The following CDT1 variants were observed in gnomAD, a reference collection of about 807,000 sequenced individuals.
CDT1 encodes the protein DNA replication factor Cdt1.
Under a neutral mutation model 49.3 loss-of-function variants are expected in CDT1, and 66 were observed. That is an observed-to-expected ratio of 1.34 (90% CI 1.10 to 1.64). The LOEUF (loss-of-function observed/expected upper bound fraction) is 1.64, where lower values mean the gene tolerates loss of function less well. Ranked by LOEUF, CDT1 falls within the 40% of genes most tolerant of loss-of-function variation. The pLI, the probability that CDT1 is intolerant of heterozygous loss-of-function variation, is 0.00. For synonymous variants in CDT1, 424 were observed against 347.4 expected (o/e 1.22, Z -2.45); for missense variants, 958 against 807.7 (o/e 1.19, Z -2.26).
chr16:88,807,535 C>A, intron 9 of CDT1, 53 bp downstream of exon 9: 1 of 1,515,460 alleles, frequency 6.6e-7, no homozygotes, highest in Non-Finnish European at 9.1e-7. Context: ...CCTGGTGCTG[C>A]AGCTGCCTCC....
chr16:88,806,331 A>C, intron 6 of CDT1, 155 bp from the exon 7 acceptor site: 2 of 1,054,378 alleles, frequency 1.9e-6, no homozygotes, highest in South Asian at 1.4e-5. Flanking sequence ...GGACCATGGG[A>C]GGCCTTGTGC....
At position 88,808,661 on chromosome 16, in the gene CDT1, C is replaced by T. The variant is rs1908967491; in HGVS notation, c.*383C>T. On this transcript the variant is annotated 3_prime_UTR_variant, in exon 10 of 10. Transcript: ENST00000301019. The stretch of plus-strand genomic sequence containing the variant: ...GCCATCCCCTCTAATCTTGGAACCT[C>T]TGAATATGGGACCTCCCACAGCAAA... The T allele has an allele frequency of 7.7e-6, 2 of 261,260 alleles. No homozygotes were observed. The highest frequency in any genetic ancestry group is 1.0e-4 in the Admixed American group (2 of 20,074). The allele number at this position is 261,260 out of a possible 1,614,324, so 16.2% of individuals were successfully genotyped here.
chr16:88,804,165 C>T (rs889721978), intron 1 of CDT1, 106 bp downstream of exon 1: 9 of 757,408 alleles, frequency 1.2e-5, no homozygotes, highest in Non-Finnish European at 1.6e-5. Context: ...GGCGGGGAAA[C>T]AGGCGGGGGG....
intron 1 of CDT1, 142 bp from the exon 2 acceptor site, chr16:88,804,403 C>T (rs1187195673): frequency 6.3e-6 from 7 of 1,115,612 alleles, no homozygotes; most frequent in Non-Finnish European, 9.1e-6. Context: ...TTAGCACAGA[C>T]CACCATCTAC....
Position 88,807,230 on chromosome 16 carries a change from G to A in CDT1, c.1275+27G>A, listed in dbSNP as rs3218728. ...TGAGTCGTCCCCAGTGATGGCGGGT[G>A]GGCGCCTGGTGACCTGCTGCCCACT... On this transcript the variant is annotated intron_variant, in intron 8 of 9. Coordinates refer to ENST00000301019, the MANE Select transcript of CDT1 (RefSeq NM_030928.4). The A allele has an allele frequency of 1.8e-3, 2,828 of 1,611,090 alleles. 39 individuals carry two copies. In the African/African-American group the frequency reaches 0.03, roughly 17 times the overall value.
rs750804588 is a variant in CDT1, at chr16:88,807,040, C to T, written c.1123-11C>T. The T allele has an allele frequency of 1.2e-5, 20 of 1,612,716 alleles. No individual in the cohort carries two copies. Among genetic ancestry groups the T allele is most frequent in the East Asian group, 6.7e-5 (3 of 44,900 alleles). On this transcript the variant is annotated splice_polypyrimidine_tract_variant and intron_variant, in intron 7 of 9. Transcript: ENST00000301019. ...TTGTGACCTCTCCAGTCCAACCTGTCCCTCCCGCAGATGGAGAAGGCCTTG... is the reference window on the plus strand; with the variant it reads ...TTGTGACCTCTCCAGTCCAACCTGTTCCTCCCGCAGATGGAGAAGGCCTTG...
At position 88,807,047 on chromosome 16, in the gene CDT1, G is replaced by A. The variant is rs373938189; in HGVS notation, c.1123-4G>A. ...CTCTCCAGTCCAACCTGTCCCTCCC[G>A]CAGATGGAGAAGGCCTTGAGTCAAT... On this transcript the variant is annotated splice_region_variant and splice_polypyrimidine_tract_variant and intron_variant, in intron 7 of 9. Coordinates refer to ENST00000301019, the MANE Select transcript of CDT1 (RefSeq NM_030928.4). The A allele has an allele frequency of 4.7e-4, 759 of 1,612,828 alleles. 2 individuals are homozygous for A. The highest frequency in any genetic ancestry group is 2.1e-3 in the African/African-American group (161 of 75,052).
At chr16:88,806,697 G>A in intron 7 of CDT1, 23 bp downstream of exon 7, 2 of 1,571,688 alleles carry the variant, frequency 1.3e-6, no homozygotes, top group South Asian at 1.2e-5. Context: ...GGCTTGGGCA[G>A]CCCATTTCTC....
chr16:88,807,298 A>G lies in CDT1; in HGVS notation c.1293A>G (p.Ala431=). ...DLLERIRAKE[A]QKQLAQMTRC... ...TGCTGCAGATCCGAGCCAAGGAGGCACAGAAGCAGCTGGCACAGATGACGC... is the reference window on the plus strand; with the variant it reads ...TGCTGCAGATCCGAGCCAAGGAGGCGCAGAAGCAGCTGGCACAGATGACGC... Residue 431 remains alanine, a synonymous_variant, in exon 9 of 10, where the codon GCA becomes GCG. Transcript: ENST00000301019. 1 of 1,612,354 alleles carries G rather than the reference A, an allele frequency of 6.2e-7. No individual in the cohort carries two copies.
rs746354308 is a variant in CDT1 at position 88,807,221 on chromosome 16, A to T, written c.1275+18A>T. ...TGGAGCGGGTGAGTCGTCCCCAGTGATGGCGGGTGGGCGCCTGGTGACCTG... is the reference window on the plus strand; with the variant it reads ...TGGAGCGGGTGAGTCGTCCCCAGTGTTGGCGGGTGGGCGCCTGGTGACCTG... On this transcript the variant is annotated intron_variant, in intron 8 of 9. Transcript: ENST00000301019. 1.2e-6 allele frequency: 2 copies of T among 1,611,812 alleles called. No homozygotes were observed. The highest frequency in any genetic ancestry group is 1.7e-6 in the Non-Finnish European group (2 of 1,179,620).
At chr16:88,807,611 C>G in intron 9 of CDT1, 129 bp downstream of exon 9, 1 of 949,666 alleles carries the variant, frequency 1.1e-6, no homozygotes, top group Non-Finnish European at 1.6e-6. Flanking sequence ...GGGCGCTGGC[C>G]TCTTGCACTG....
In CDT1 at chr16:88,807,474, T is replaced by C. The variant is rs147704737; in HGVS notation, c.1469T>C (p.Met490Thr). ...ATGGTGGGCAGCTGTTGTACTATCA[T>C]GAGCCCTGGTACGTGCAGGGCGGGG... Reference protein sequence around the residue: ...ARMVGSCCTIMSPGEMEKHLL... With the variant: ...ARMVGSCCTITSPGEMEKHLL... The change falls in exon 9 of 10, where the codon ATG becomes ACG. Residue 490 changes from methionine to threonine, a missense_variant. Transcript: ENST00000301019. 6.2e-7 allele frequency: 1 copy of C among 1,613,010 alleles called. No individual in the cohort carries two copies. Among genetic ancestry groups the C allele is most frequent in the Non-Finnish European group, 8.5e-7 (1 of 1,179,880 alleles).
chr16:88,806,135 G>A lies in CDT1; in HGVS notation c.933+14G>A, dbSNP rs754781064. 12 of 1,575,064 alleles carry A rather than the reference G, an allele frequency of 7.6e-6. No homozygotes were observed. The highest frequency in any genetic ancestry group is 4.6e-5 in the East Asian group (2 of 43,774). On this transcript the variant is annotated intron_variant, in intron 6 of 9. Transcript: ENST00000301019. ...GAGCACCACAAGGTGAGCGGCCCCC[G>A]GCCCCGCTGTGTGAAGATGGTGGCA...
intron 6 of CDT1, 66 bp downstream of exon 6, chr16:88,806,187 G>T: frequency 7.3e-7 from 1 of 1,364,338 alleles, no homozygotes. Context: ...ACCTAACCCT[G>T]TGCTTGGAGC....
chr16:88,808,158 G>C lies in CDT1; in HGVS notation c.1521G>C (p.Pro507=). Residue 507 remains proline, a synonymous_variant, in exon 10 of 10, where the codon CCG becomes CCC. Transcript: ENST00000301019. The part of the protein sequence containing the change: ...KHLLLLSELL[P]DWLSLHRIRT... ...TGCTGCTCCTCTCCGAGCTGCTGCC[G>C]GACTGGCTCAGCCTCCACCGCATCC... is the stretch of plus-strand genomic sequence containing the variant. 2 of 1,612,770 alleles carry C rather than the reference G, an allele frequency of 1.2e-6. No homozygotes were observed. The highest frequency in any genetic ancestry group is 1.7e-6 in the Non-Finnish European group (2 of 1,179,938).
chr16:88,804,654 C>G lies in CDT1; in HGVS notation c.338C>G (p.Ser113Cys). The change falls in exon 2 of 10, where the codon TCC (serine) becomes TGC (cysteine). Residue 113 changes from serine to cysteine, a missense_variant. Ser to Cys is a moderately radical substitution (Grantham distance 112). Transcript: ENST00000301019. ...GCAGGTCAGCCGCCCCACCTGACAT[C>G]CGCGCAGGACCAGGTGAGGGGCGGG... ...PAAGQPPHLT[S>C]AQDQDTISEL... 1.9e-6 allele frequency: 3 copies of G among 1,612,562 alleles called. No individual in the cohort carries two copies. The highest frequency in any genetic ancestry group is 2.5e-6 in the Non-Finnish European group (3 of 1,179,820).
rs761162797 is a variant in CDT1, at chr16:88,805,863, G to T, written c.826G>T (p.Glu276Ter). 2 of 1,612,974 alleles carry T rather than the reference G, an allele frequency of 1.2e-6. No individual in the cohort carries two copies. Among genetic ancestry groups the T allele is most frequent in the Non-Finnish European group, 1.7e-6 (2 of 1,179,954 alleles). ...DYQLTIEPLL[E>*]QEADGAAPQL... ...CCAGCTCACCATCGAGCCACTGCTG[G>T]AGCAGGGTGAGTGCTGGGTGCGGGA... Residue 276 changes from glutamate to a stop codon, truncating the protein, a stop_gained, in exon 5 of 10, where the codon GAG becomes TAG. Transcript: ENST00000301019. LOFTEE classifies it high-confidence loss of function.
rs746736930 is a variant in CDT1 at position 88,805,582 on chromosome 16, T to C, written c.631T>C (p.Ser211Pro). ...DTIVGMLHNR[S>P]ETPTFAKVQR... Reference sequence around the variant, plus strand: ...CATCGTGGGCATGCTCCACAACCGCTCCGAGACGCCCACCTTTGCCAAGGT... The same window carrying C: ...CATCGTGGGCATGCTCCACAACCGCCCCGAGACGCCCACCTTTGCCAAGGT... Residue 211 changes from serine to proline, a missense_variant, in exon 4 of 10, where the codon TCC becomes CCC. Physicochemically the swap from Ser to Pro is moderately conservative, Grantham distance 74. Transcript: ENST00000301019. 4 of 1,612,784 alleles carry C rather than the reference T, an allele frequency of 2.5e-6. No individual in the cohort carries two copies. Among genetic ancestry groups the C allele is most frequent in the Middle Eastern group, 3.3e-4 (2 of 6,062 alleles).
chr16:88,807,542 C>T, intron 9 of CDT1, 60 bp downstream of exon 9: 2 of 1,486,620 alleles, frequency 1.3e-6, no homozygotes, highest in Non-Finnish European at 1.9e-6. Flanking sequence ...CTGCAGCTGC[C>T]TCCCCAGCTT....
Sources: gnomAD v4.1 joint callset for allele counts on GRCh38, gnomAD v4.1.1 for gene constraint, MANE v1.5 for transcripts, NCBI Gene and HGNC (gene_info 2026-07-23, HGNC 2026-07-21) for gene names.